The following IFT80 variants were observed in gnomAD, a reference collection of about 807,000 sequenced individuals.
The protein encoded by IFT80 is intraflagellar transport 80.
A neutral mutation model predicts 107.9 loss-of-function variants in IFT80; 79 were observed. The observed-to-expected ratio is 0.73, with a 90% CI of 0.61 to 0.88. IFT80 has a LOEUF of 0.88. IFT80 is among the 40% of genes least tolerant of loss of function. The probability of loss-of-function intolerance (pLI) is 0.00; values close to 1 mark genes in which losing one functional copy is unlikely to be tolerated. For missense variants in IFT80, 797 were observed against 914.2 expected (o/e 0.87, Z 1.65); for synonymous variants, 299 against 300.9 (o/e 0.99, Z 0.07).
rs764959356 is a variant in IFT80 at position 160,280,676 on chromosome 3, C to G, written c.1655G>C (p.Arg552Thr). Residue 552 changes from arginine (R) to threonine (T), a missense_variant, in exon 15 of 20, where the codon AGG becomes ACG. By Grantham distance (71) the Arg-to-Thr change is moderately conservative (BLOSUM62 -1). Coordinates refer to ENST00000326448, the MANE Select transcript of IFT80 (RefSeq NM_020800.3). The part of the protein sequence containing the change: ...RDILPKTLYE[R>T]DASEFSKNPH... ...CGCAGTAAAATGTTACCTTGCATCC[C>G]TTTCATATAATGTTTTAGGCAAAAT... 6.2e-7 allele frequency: 1 copy of G among 1,611,866 alleles called. No individual in the cohort carries two copies.
At chr3:160,325,689 C>G (rs945819466) in intron 8 of IFT80, among the ~76,000 whole-genome samples, 1 of 151,982 alleles carries the variant, frequency 6.6e-6, no homozygotes, top group Non-Finnish European at 1.5e-5. Context: ...GAGAATGAGA[C>G]CCAAATCTAA....
chr3:160,366,480 A>C (rs886802571), intron 5 of IFT80, among the ~76,000 whole-genome samples: 1 of 152,050 alleles, frequency 6.6e-6, no homozygotes, highest in East Asian at 1.9e-4. Flanking sequence ...CATTTTTAAT[A>C]TATAAAGAAA....
intron 8 of IFT80, among the ~76,000 whole-genome samples, chr3:160,352,078 C>T (rs577027397): frequency 1.3e-5 from 2 of 150,786 alleles, no homozygotes; most frequent in South Asian, 2.1e-4. Flanking sequence ...TGCAGTGGTG[C>T]GATCTTGGCT....
chr3:160,348,382 A>C (rs1720446282), intron 8 of IFT80, among the ~76,000 whole-genome samples: 1 of 152,206 alleles, frequency 6.6e-6, no homozygotes, highest in Admixed American at 6.5e-5. Context: ...TTGATATGTA[A>C]GGAATAACAA....
chr3:160,326,077 A>G (rs1251361669), intron 8 of IFT80, among the ~76,000 whole-genome samples: 3 of 152,094 alleles, frequency 2.0e-5, no homozygotes, highest in Non-Finnish European at 4.4e-5. Context: ...CCCATTAATG[A>G]TAACAAACCC....
At chr3:160,332,931 G>C (rs1362882540) in intron 8 of IFT80, among the ~76,000 whole-genome samples, 1 of 152,142 alleles carries the variant, frequency 6.6e-6, no homozygotes, top group Non-Finnish European at 1.5e-5. Flanking sequence ...GCTTAATGAA[G>C]GGGATGCATT....
chr3:160,272,870 C>T lies in IFT80; in HGVS notation c.2100-4334G>A, dbSNP rs149943259. Among the ~76,000 whole-genome samples, 15 of 152,296 alleles carry T rather than the reference C, an allele frequency of 9.8e-5. No individual in the cohort carries two copies. The East Asian group carries it at 2.9e-3, about 29-fold the overall frequency. Reference sequence around the variant, plus strand: ...TTACCTTATACTTGTACAAAAAAATCTACTACAGCTCTGTTCTATACACAT... The same window carrying T: ...TTACCTTATACTTGTACAAAAAAATTTACTACAGCTCTGTTCTATACACAT... On this transcript the variant is annotated intron_variant, in intron 18 of 19. Coordinates refer to ENST00000326448, the MANE Select transcript of IFT80 (RefSeq NM_020800.3).
At chr3:160,345,162 G>A (rs920728966) in intron 8 of IFT80, among the ~76,000 whole-genome samples, 3 of 152,120 alleles carry the variant, frequency 2.0e-5, no homozygotes, top group South Asian at 2.1e-4. Context: ...TGTTCACAAC[G>A]GGCAAGATGT....
chr3:160,318,838 T>C (rs1718004925), intron 9 of IFT80, among the ~76,000 whole-genome samples: 1 of 152,016 alleles, frequency 6.6e-6, no homozygotes, highest in Non-Finnish European at 1.5e-5. Context: ...TCTTCCCTAA[T>C]ACAGGTCATA....
intron 8 of IFT80, among the ~76,000 whole-genome samples, chr3:160,343,268 A>T (rs1168315968): frequency 6.6e-6 from 1 of 152,200 alleles, no homozygotes; most frequent in African/African-American, 2.4e-5. Context: ...CCTTTTTATT[A>T]TAATGCTTAA....
At chr3:160,373,766 G>C (rs1278457373) in intron 5 of IFT80, 1 of 152,930 alleles carries the variant, frequency 6.5e-6, no homozygotes, top group Non-Finnish European at 1.5e-5. Flanking sequence ...GTTCACAATA[G>C]GGTTTATGCT....
chr3:160,382,223 G>C (rs960250296), intron 2 of IFT80, among the ~76,000 whole-genome samples: 13 of 152,098 alleles, frequency 8.5e-5, no homozygotes, highest in Non-Finnish European at 1.5e-5. Context: ...TCTAACAGTA[G>C]GCTATCCTTT....
intron 6 of IFT80, among the ~76,000 whole-genome samples, chr3:160,362,228 A>G (rs1721543754): frequency 6.6e-6 from 1 of 152,218 alleles, no homozygotes; most frequent in Admixed American, 6.5e-5. Flanking sequence ...ACAAACTACC[A>G]TCAGAGAATA....
intron 11 of IFT80, among the ~76,000 whole-genome samples, chr3:160,301,643 G>A (rs914804095): frequency 8.6e-5 from 13 of 151,550 alleles, no homozygotes; most frequent in Admixed American, 7.2e-4. Flanking sequence ...TTTGCCACAG[G>A]GTCAGATTCA....
rs1268990710 is a variant in IFT80 at position 160,282,592 on chromosome 3, G to A, written c.1402C>T (p.Leu468=). ...TCATTGGTAAGTCCTTTTTGATCCA[G>A]AGCAATTTCCAAGATTTCATTCTAA... ...SHKNEILEIA[L]DQKGLTNDRK... The change falls in exon 14 of 20, where the codon CTG becomes TTG. Residue 468 remains leucine (L), a synonymous_variant. Transcript: ENST00000326448. The A allele has an allele frequency of 1.3e-6, 2 of 1,587,424 alleles. No individual in the cohort carries two copies. The highest frequency in any genetic ancestry group is 2.2e-5 in the East Asian group (1 of 44,518).
chr3:160,269,796 A>T (rs1489815893), intron 18 of IFT80, among the ~76,000 whole-genome samples: 1 of 152,232 alleles, frequency 6.6e-6, no homozygotes, highest in Non-Finnish European at 1.5e-5. Flanking sequence ...ATAAGATAAC[A>T]GTCATCATAA....
intron 9 of IFT80, among the ~76,000 whole-genome samples, chr3:160,309,595 G>A (rs561088653): frequency 7.6e-4 from 115 of 152,246 alleles, no homozygotes; most frequent in Non-Finnish European, 6.9e-4. Context: ...GCTGAGGCAG[G>A]AGAATGGCAT....
At chr3:160,332,769 A>C (rs1394605108) in intron 8 of IFT80, among the ~76,000 whole-genome samples, 1 of 152,242 alleles carries the variant, frequency 6.6e-6, no homozygotes, top group Non-Finnish European at 1.5e-5. Context: ...GGGTTGCAAA[A>C]TGGGTAATCT....
chr3:160,392,635 G>A (rs1713472627), intron 1 of IFT80, among the ~76,000 whole-genome samples: 2 of 152,152 alleles, frequency 1.3e-5, no homozygotes, highest in African/African-American at 4.8e-5. Flanking sequence ...TCTTCAAAAT[G>A]TAAAATATTT....
Sources: allele counts gnomAD v4.1 joint callset (sites outside exome capture counted in the v4.1 genomes callset), GRCh38; gene constraint gnomAD v4.1.1; transcripts MANE v1.5; gene names NCBI Gene and HGNC (gene_info 2026-07-23, HGNC 2026-07-21).